MYO16: variants seen among roughly 807,000 people sequenced by gnomAD.
The protein encoded by MYO16 is myosin XVI, also known as unconventional myosin-XVI.
Under a neutral mutation model 205.3 loss-of-function variants are expected in MYO16, and 94 were observed. The ratio of observed to expected loss-of-function variants is 0.46; its 90% CI spans 0.39 to 0.54. The LOEUF (loss-of-function observed/expected upper bound fraction) is 0.54, where lower values mean the gene tolerates loss of function less well. MYO16 is among the 20% of genes least tolerant of loss of function. The pLI, the probability that MYO16 is intolerant of heterozygous loss-of-function variation, is 0.00. For missense variants in MYO16, 2,315 were observed against 2,387.5 expected, an observed-to-expected ratio of 0.97 and a Z score of 0.63; for synonymous variants, 988 against 954.0, an observed-to-expected ratio of 1.04 and a Z score of -0.66.
intron 28 of MYO16, chr13:109,101,431 T>C (rs1888963708): frequency 6.5e-6 from 1 of 152,754 alleles, no homozygotes; most frequent in Non-Finnish European, 1.5e-5. Context: ...GGAAACACTT[T>C]ATTATAGTCT....
intron 1 of MYO16, among the ~76,000 whole-genome samples, chr13:108,621,793 C>T (rs1328267099): frequency 6.6e-6 from 1 of 152,108 alleles, no homozygotes; most frequent in Non-Finnish European, 1.5e-5. Context: ...AGAGTGAGTA[C>T]AGTACAGTAA....
intron 15 of MYO16, among the ~76,000 whole-genome samples, chr13:108,903,671 A>G (rs190016923): frequency 2.2e-4 from 34 of 152,336 alleles, no homozygotes; most frequent in Admixed American, 1.8e-3. Context: ...GCTATCAGTA[A>G]ATACTTTTGT....
At chr13:109,180,386 C>T (rs1879405424) in intron 34 of MYO16, among the ~76,000 whole-genome samples, 1 of 152,104 alleles carries the variant, frequency 6.6e-6, no homozygotes, top group African/African-American at 2.4e-5. Flanking sequence ...ATGTTGCATT[C>T]AAGGTGATGC....
At chr13:109,088,546 C>T (rs1888513926) in intron 27 of MYO16, among the ~76,000 whole-genome samples, 1 of 151,616 alleles carries the variant, frequency 6.6e-6, no homozygotes, top group South Asian at 2.1e-4. Context: ...CATAATTCAG[C>T]ATTCTTTTTT....
chr13:108,638,829 G>A (rs148496590), intron 1 of MYO16, among the ~76,000 whole-genome samples: 1,803 of 152,140 alleles, frequency 0.012, 18 homozygotes, highest in Non-Finnish European at 0.019. Context: ...ACAGGGAAAG[G>A]CACCCAGTTG....
chr13:108,726,184 T>C (rs1419621124), intron 3 of MYO16, among the ~76,000 whole-genome samples: 1 of 152,230 alleles, frequency 6.6e-6, no homozygotes, highest in African/African-American at 2.4e-5. Context: ...GAAATTTTGC[T>C]GACCTATTTA....
chr13:109,007,248 T>C (rs989796732), intron 21 of MYO16, among the ~76,000 whole-genome samples: 9 of 151,602 alleles, frequency 5.9e-5, no homozygotes, highest in Non-Finnish European at 8.8e-5. Context: ...ATTAGCTGGG[T>C]GAGGTGGCGG....
intron 11 of MYO16, 115 bp downstream of exon 11, chr13:108,855,668 T>G: frequency 1.5e-6 from 1 of 650,188 alleles, no homozygotes; most frequent in South Asian, 3.0e-5. Context: ...CTGGTAGTGG[T>G]GATAGCTGAA....
At position 108,682,651 on chromosome 13, in the gene MYO16, C is replaced by T. The variant is rs111344343; in HGVS notation, c.292+16502C>T. Among the ~76,000 whole-genome samples the T allele has an allele frequency of 3.2e-3, 493 of 152,068 alleles. 2 individuals are homozygous for T. Among genetic ancestry groups the T allele is most frequent in the African/African-American group, 0.011 (470 of 41,492 alleles). The stretch of plus-strand genomic sequence containing the variant: ...ACCAGTCCAGGGAGAGAGATGTAGA[C>T]AAAAAGAATATCCTGGTCTGGCCTG... On this transcript the variant is annotated intron_variant, in intron 2 of 34. Transcript: ENST00000457511.
At chr13:108,680,170 T>A (rs991738895) in intron 2 of MYO16, among the ~76,000 whole-genome samples, 10 of 152,166 alleles carry the variant, frequency 6.6e-5, no homozygotes, top group African/African-American at 2.4e-4. Context: ...AATATTTGCT[T>A]CATTGGATCC....
chr13:109,066,107 G>C (rs1212313614), intron 27 of MYO16, among the ~76,000 whole-genome samples: 1 of 152,188 alleles, frequency 6.6e-6, no homozygotes, highest in Non-Finnish European at 1.5e-5. Flanking sequence ...CAGCCATGAT[G>C]TTAAATTGGG....
chr13:109,097,707 C>A (rs1888822649), intron 27 of MYO16, among the ~76,000 whole-genome samples: 1 of 152,208 alleles, frequency 6.6e-6, no homozygotes, highest in African/African-American at 2.4e-5. Flanking sequence ...TTGCCTCTGG[C>A]ACTGCAAATT....
chr13:108,619,966 G>A (rs1879481164), intron 1 of MYO16, among the ~76,000 whole-genome samples: 1 of 152,040 alleles, frequency 6.6e-6, no homozygotes, highest in Non-Finnish European at 1.5e-5. Flanking sequence ...TAGCAGGAGG[G>A]GTATTGCCCC....
upstream of MYO16, among the ~76,000 whole-genome samples, chr13:108,626,740 G>T (rs1162817801): frequency 6.6e-6 from 1 of 151,514 alleles, no homozygotes; most frequent in Non-Finnish European, 1.5e-5. Context: ...GGAGGCAGAG[G>T]GTTGCAGTGA....
chr13:108,971,657 G>T (rs1375660335), intron 20 of MYO16, among the ~76,000 whole-genome samples: 1 of 151,548 alleles, frequency 6.6e-6, no homozygotes, highest in Non-Finnish European at 1.5e-5. Context: ...CTAAGCCTTT[G>T]GTTTCTTATG....
At chr13:108,973,496 T>C (rs1209035231) in intron 20 of MYO16, among the ~76,000 whole-genome samples, 1 of 152,202 alleles carries the variant, frequency 6.6e-6, no homozygotes, top group Non-Finnish European at 1.5e-5. Context: ...AGGGAAATTA[T>C]TTTTAAGCCA....
chr13:108,986,477 C>T (rs1884638300), intron 20 of MYO16, among the ~76,000 whole-genome samples: 2 of 151,782 alleles, frequency 1.3e-5, no homozygotes, highest in Admixed American at 1.3e-4. Context: ...ACAAAATTAG[C>T]TGTGTGTGGT....
intron 8 of MYO16, among the ~76,000 whole-genome samples, 178 bp downstream of exon 8, chr13:108,820,590 G>A (rs1460597602): frequency 2.0e-5 from 3 of 152,084 alleles, no homozygotes; most frequent in South Asian, 4.1e-4. Context: ...TGATATAGGC[G>A]ATGTGAATAG....
chr13:108,972,441 TGG>T (rs1181671360), intron 20 of MYO16, among the ~76,000 whole-genome samples: 1 of 120,058 alleles, frequency 8.3e-6, no homozygotes, highest in Admixed American at 9.2e-5. Flanking sequence ...AGCTTATTTA[TGG>T]GGAAGGGGAG....
Sources: gnomAD v4.1 joint callset for allele counts (sites outside exome capture counted in the v4.1 genomes callset) on GRCh38, gnomAD v4.1.1 for gene constraint, MANE v1.5 for transcripts, NCBI Gene and HGNC (gene_info 2026-07-23, HGNC 2026-07-21) for gene names.